Variants in CYB5R1 observed in about 807,000 individuals in gnomAD.
CYB5R1 encodes NADH-cytochrome b5 reductase 1.
A neutral mutation model predicts 37.4 loss-of-function variants in CYB5R1; 32 were observed. The ratio of observed to expected loss-of-function variants is 0.86; its 90% CI spans 0.65 to 1.15. CYB5R1 has a LOEUF of 1.15. CYB5R1 is among the 50% of genes most tolerant of loss of function. The pLI, the probability that CYB5R1 is intolerant of heterozygous loss-of-function variation, is 0.00. For missense variants in CYB5R1, 345 were observed against 382.5 expected, an observed-to-expected ratio of 0.90 and a Z score of 0.82; for synonymous variants, 159 against 155.2, an observed-to-expected ratio of 1.02 and a Z score of -0.18.
intron 1 of CYB5R1, 23 bp from the exon 2 acceptor site, chr1:202,966,921 G>A: frequency 6.3e-7 from 1 of 1,583,460 alleles, no homozygotes. Context: ...GAGGCAGCGT[G>A]ACCGCCAGGC....
At chr1:202,966,219 C>G (rs888252329) in intron 3 of CYB5R1, 2 of 595,814 alleles carry the variant, frequency 3.4e-6, no homozygotes, top group African/African-American at 3.7e-5. Context: ...CTGCCAGGAC[C>G]TTGACAGATG....
chr1:202,967,078 G>GCC, intron 1 of CYB5R1, 113 bp downstream of exon 1: 1 of 1,463,192 alleles, frequency 6.8e-7, no homozygotes, highest in Non-Finnish European at 9.4e-7. Context: ...TCCACGGTGG[G>GCC]CCCAGAGCCC....
intron 1 of CYB5R1, 46 bp downstream of exon 1, chr1:202,967,145 G>A (rs1172590853): frequency 6.2e-7 from 1 of 1,602,122 alleles, no homozygotes; most frequent in Non-Finnish European, 8.5e-7. Flanking sequence ...GCCAGAACCA[G>A]ATGGGGAGGG....
At position 202,964,656 on chromosome 1, in the gene CYB5R1, T is replaced by G. The variant is rs745591123; in HGVS notation, c.515A>C (p.Glu172Ala). 7 of 1,613,814 alleles carry G rather than the reference T, an allele frequency of 4.3e-6. No homozygotes were observed. The highest frequency in any genetic ancestry group is 1.7e-5 in the Admixed American group (1 of 60,000). ...TCCCAGTTTCTTCGCCACTCGGGGT[T>G]CTGGTGGAGATTTCTTGTTGGGCTG... is the stretch of plus-strand genomic sequence containing the variant. ...NIQPNKKSPP[E>A]PRVAKKLGMI... The change falls in exon 6 of 9, where the codon GAA (glutamate) becomes GCA (alanine). Residue 172 changes from glutamate to alanine, a missense_variant. Transcript: ENST00000367249.
In CYB5R1 at chr1:202,964,695, C is replaced by T. The variant is rs1157626944; in HGVS notation, c.476G>A (p.Gly159Glu). The part of the protein sequence containing the change: ...PSGLLTYTGK[G>E]HFNIQPNKKS... ...CTTGTTGGGCTGAATGTTAAAATGC[C>T]CTGAGAGGTCAGGTGAAGAGAGCAG... The change falls in exon 6 of 9, where the codon GGG becomes GAG. Residue 159 changes from glycine to glutamate, a missense_variant and splice_region_variant. Coordinates refer to ENST00000367249, the MANE Select transcript of CYB5R1 (RefSeq NM_016243.3). The T allele has an allele frequency of 6.2e-7, 1 of 1,610,340 alleles. No individual in the cohort carries two copies. The highest frequency in any genetic ancestry group is 8.5e-7 in the Non-Finnish European group (1 of 1,176,614).
chr1:202,965,747 C>T (rs948763945), intron 4 of CYB5R1, 140 bp downstream of exon 4: 1 of 718,058 alleles, frequency 1.4e-6, no homozygotes. Flanking sequence ...AGTCTCCTGC[C>T]TCAGTCTCCT....
rs909597181 is a variant in CYB5R1 at position 202,966,893 on chromosome 1, G to C, written c.21C>G (p.Pro7=). Residue 7 remains proline, a synonymous_variant, in exon 2 of 9, where the codon CCC becomes CCG. Coordinates refer to ENST00000367249, the MANE Select transcript of CYB5R1 (RefSeq NM_016243.3). ...CCACCCCCAGGGAGGCCAGCAGGAC[G>C]GGGCTCTGTGGGTAGAGGAGGCAGC... MGIQTS[P]VLLASLGVGL... 1.2e-6 allele frequency: 2 copies of C among 1,606,716 alleles called. No homozygotes were observed. The highest frequency in any genetic ancestry group is 1.3e-5 in the African/African-American group (1 of 74,832).
At chr1:202,965,625 C>A (rs1655074306) in intron 4 of CYB5R1, 125 bp from the exon 5 acceptor site, 59 of 749,530 alleles carry the variant, frequency 7.9e-5, no homozygotes, top group Non-Finnish European at 1.0e-4. Flanking sequence ...CGTCTACATA[C>A]TTTCTTTCTT....
chr1:202,967,072 C>G, intron 1 of CYB5R1, 119 bp downstream of exon 1: 1 of 1,450,524 alleles, frequency 6.9e-7, no homozygotes, highest in Non-Finnish European at 9.4e-7. Flanking sequence ...CCAGCATCCA[C>G]GGTGGGCCCA....
rs200519288 is a variant in CYB5R1, at chr1:202,965,483, C to T, written c.363G>A (p.Val121=). Residue 121 remains valine, a synonymous_variant, in exon 5 of 9, where the codon GTG becomes GTA. Coordinates refer to ENST00000367249, the MANE Select transcript of CYB5R1 (RefSeq NM_016243.3). ...TCCCTCCCTCAGGAAATTTGGGGTG[C>T]ACACCCTTCAGGTAGACCTTACAAG... The part of the protein sequence containing the change: ...DLVIKVYLKG[V]HPKFPEGGKM... 2 of 1,598,724 alleles carry T rather than the reference C, an allele frequency of 1.3e-6. No homozygotes were observed. The highest frequency in any genetic ancestry group is 8.5e-7 in the Non-Finnish European group (1 of 1,173,144).
Position 202,965,499 on chromosome 1 carries a change from A to T in CYB5R1, c.347T>A (p.Val116Asp). The change falls in exon 5 of 9, where the codon GTC (valine) becomes GAC (aspartate). Residue 116 changes from valine (V) to aspartate (D), a missense_variant and splice_region_variant. By Grantham distance (152) the Val-to-Asp change is radical (BLOSUM62 -3). Transcript: ENST00000367249. The stretch of plus-strand genomic sequence containing the variant: ...TTTGGGGTGCACACCCTTCAGGTAG[A>T]CCTTACAAGACAGAGAGAAAAATAC... ...DQGYVDLVIKVYLKGVHPKFP... is the reference protein window; with the variant it reads ...DQGYVDLVIKDYLKGVHPKFP... 6.3e-7 allele frequency: 1 copy of T among 1,575,022 alleles called. No homozygotes were observed. Among genetic ancestry groups the T allele is most frequent in the Non-Finnish European group, 8.6e-7 (1 of 1,165,624 alleles).
At chr1:202,966,343 T>A in intron 3 of CYB5R1, 185 bp downstream of exon 3, 1 of 646,294 alleles carries the variant, frequency 1.5e-6, no homozygotes. Context: ...TGGATGGGGG[T>A]CATGGAAGCC....
At chr1:202,965,224 T>G in intron 5 of CYB5R1, 147 bp downstream of exon 5, 3 of 918,808 alleles carry the variant, frequency 3.3e-6, no homozygotes, top group Admixed American at 5.7e-5. Flanking sequence ...AAACATGCCT[T>G]TCTATTGTAT....
At chr1:202,963,872 T>C (rs1655040099) in intron 6 of CYB5R1, 145 bp from the exon 7 acceptor site, 1 of 471,694 alleles carries the variant, frequency 2.1e-6, no homozygotes, top group Admixed American at 4.2e-5. Flanking sequence ...CTCTAAACTC[T>C]TCCTGCATAT....
intron 1 of CYB5R1, 138 bp downstream of exon 1, chr1:202,967,053 A>T (rs1275576152): frequency 1.4e-6 from 2 of 1,415,306 alleles, no homozygotes; most frequent in Non-Finnish European, 1.9e-6. Context: ...GATGTGCGGG[A>T]TCGGGACCCC....
At chr1:202,963,868 A>C in intron 6 of CYB5R1, 141 bp from the exon 7 acceptor site, 1 of 482,194 alleles carries the variant, frequency 2.1e-6, no homozygotes. Context: ...CATCCTCTAA[A>C]CTCTTCCTGC....
chr1:202,966,021 G>A, intron 3 of CYB5R1, 28 bp from the exon 4 acceptor site: 1 of 1,457,982 alleles, frequency 6.9e-7, no homozygotes, highest in Non-Finnish European at 9.6e-7. Context: ...AGCTACATAA[G>A]GGTTGTCTGT....
In CYB5R1 at chr1:202,967,202, C is replaced by G. The variant is rs1407000932; in HGVS notation, c.4G>C (p.Gly2Arg). ...AATGAGGGTCTTACCGTCTGGATCCCCATGACGGAGCGCCTTTTCCTCCAC... is the reference window on the plus strand; with the variant it reads ...AATGAGGGTCTTACCGTCTGGATCCGCATGACGGAGCGCCTTTTCCTCCAC... M[G>R]IQTSPVLLAS... is the part of the protein sequence containing the mutation. The change falls in exon 1 of 9, where the codon GGG becomes CGG. Residue 2 changes from glycine to arginine, a missense_variant. Transcript: ENST00000367249. 4.3e-6 allele frequency: 7 copies of G among 1,611,882 alleles called. No homozygotes were observed. The East Asian group carries it at 1.3e-4, about 31-fold the overall frequency.
Position 202,963,116 on chromosome 1 carries a change from C to T in CYB5R1, c.695G>A (p.Arg232His), listed in dbSNP as rs766280193. The change falls in exon 8 of 9, where the codon CGC becomes CAC. Residue 232 changes from arginine (R) to histidine (H), a missense_variant. By Grantham distance (29) the Arg-to-His change is conservative. Coordinates refer to ENST00000367249, the MANE Select transcript of CYB5R1 (RefSeq NM_016243.3). ...CCAGAGCTTAAAGCGATTGGGATAG[C>T]GGGCCTGCAGTTCCTCTAAGTCCTC... ...LREDLEELQA[R>H]YPNRFKLWFT... The T allele has an allele frequency of 5.6e-6, 9 of 1,614,018 alleles. No homozygotes were observed. Among genetic ancestry groups the T allele is most frequent in the Admixed American group, 3.3e-5 (2 of 59,990 alleles).
Sources: allele counts gnomAD v4.1 joint callset, GRCh38; gene constraint gnomAD v4.1.1; transcripts MANE v1.5; gene names NCBI Gene and HGNC (gene_info 2026-07-23, HGNC 2026-07-21).